Variants in F13A1 observed in about 807,000 individuals in gnomAD.
F13A1 encodes coagulation factor XIII A chain.
In F13A1, 47 loss-of-function variants were observed where a neutral mutation model predicts 80.1. The observed-to-expected ratio is 0.59, with a 90% CI of 0.46 to 0.75. The LOEUF (loss-of-function observed/expected upper bound fraction) is 0.75. F13A1 is among the 30% of genes least tolerant of loss of function. F13A1 has a pLI of 0.00. For missense variants in F13A1, 817 were observed against 930.4 expected (o/e 0.88, Z 1.59); for synonymous variants, 349 against 344.9 (o/e 1.01, Z -0.13).
chr6:6,311,735 TATTTATATATTATATATTACAAA>T (rs1561688031), intron 2 of F13A1, among the ~76,000 whole-genome samples: 5 of 14,276 alleles, frequency 3.5e-4, no homozygotes, highest in African/African-American at 2.4e-3. Flanking sequence ...AAATATATAT[TATTTATATATTATATATTACAAA>T]TATATATTTA....
chr6:6,205,176 T>C (rs1310464524), intron 8 of F13A1, among the ~76,000 whole-genome samples: 2 of 152,234 alleles, frequency 1.3e-5, no homozygotes, highest in African/African-American at 4.8e-5. Flanking sequence ...GCAAGGGGTT[T>C]TGCAAGTCTC....
intron 3 of F13A1, among the ~76,000 whole-genome samples, chr6:6,283,671 C>T (rs1758097003): frequency 1.3e-5 from 2 of 151,940 alleles, no homozygotes; most frequent in Admixed American, 6.6e-5. Flanking sequence ...TCATGTCCTT[C>T]CTTTTTTTTT....
chr6:6,285,639 A>G (rs541538066), intron 3 of F13A1, among the ~76,000 whole-genome samples: 3 of 152,348 alleles, frequency 2.0e-5, no homozygotes, highest in South Asian at 2.1e-4. Context: ...CCTATGCTAC[A>G]GTAGGTACCT....
At chr6:6,224,984 C>A in intron 6 of F13A1, 124 bp from the exon 7 acceptor site, 1 of 1,012,258 alleles carries the variant, frequency 9.9e-7, no homozygotes. Flanking sequence ...GAAAAGAGTT[C>A]CACTTCTGTT....
chr6:6,200,382 C>T (rs1020084628), intron 8 of F13A1, among the ~76,000 whole-genome samples: 9 of 151,942 alleles, frequency 5.9e-5, no homozygotes, highest in Non-Finnish European at 1.0e-4. Flanking sequence ...TCCTGGGCAA[C>T]ATGGCGAAAC....
chr6:6,158,380 G>T (rs567936066), intron 13 of F13A1, among the ~76,000 whole-genome samples: 4 of 152,176 alleles, frequency 2.6e-5, no homozygotes, highest in Non-Finnish European at 5.9e-5. Context: ...CAGTTAGTGG[G>T]GTGACTCAAT....
chr6:6,176,211 T>C (rs1760880943), intron 11 of F13A1, among the ~76,000 whole-genome samples: 1 of 152,250 alleles, frequency 6.6e-6, no homozygotes, highest in Non-Finnish European at 1.5e-5. Context: ...ATAATTATGC[T>C]AGTTTAAAGG....
intron 6 of F13A1, among the ~76,000 whole-genome samples, chr6:6,244,795 T>C (rs139324716): frequency 2.0e-5 from 3 of 152,322 alleles, no homozygotes; most frequent in East Asian, 1.9e-4. Context: ...AGTAAGTTAA[T>C]AGCACAACCA....
intron 6 of F13A1, among the ~76,000 whole-genome samples, chr6:6,226,714 T>C (rs1042349446): frequency 1.4e-4 from 21 of 152,222 alleles, no homozygotes; most frequent in African/African-American, 4.8e-4. Context: ...AAAGACTGGA[T>C]GCTCTGTAGT....
chr6:6,186,403 G>C (rs1214864647), intron 10 of F13A1, among the ~76,000 whole-genome samples: 2 of 152,180 alleles, frequency 1.3e-5, no homozygotes, highest in African/African-American at 4.8e-5. Context: ...TTTTGTATAA[G>C]GTGTAAGGAA....
At chr6:6,263,155 T>C (rs887143985) in intron 4 of F13A1, among the ~76,000 whole-genome samples, 14 of 152,170 alleles carry the variant, frequency 9.2e-5, no homozygotes, top group East Asian at 1.9e-4. Context: ...AAATTCTCCT[T>C]TGACCTTCGC....
At chr6:6,152,335 C>A (rs981790655) in intron 13 of F13A1, among the ~76,000 whole-genome samples, 10 of 152,198 alleles carry the variant, frequency 6.6e-5, no homozygotes, top group African/African-American at 2.2e-4. Context: ...AAAGGGGATT[C>A]CTGAGTTTAA....
At chr6:6,241,963 A>G (rs78841853) in intron 6 of F13A1, among the ~76,000 whole-genome samples, 80 of 152,340 alleles carry the variant, frequency 5.3e-4, no homozygotes, top group Non-Finnish European at 1.0e-3. Flanking sequence ...GAAAATGAAC[A>G]AAACATGGTT....
intron 8 of F13A1, among the ~76,000 whole-genome samples, chr6:6,210,324 G>GAGATATATATATATATATATATAT (rs1761580677): frequency 4.2e-4 from 35 of 82,862 alleles, no homozygotes; most frequent in Non-Finnish European, 4.4e-4. Context: ...TGTAGCATGT[G>GAGATATATATATATATATATATAT]ATATATATAT....
At chr6:6,306,316 C>T (rs945346039) in intron 2 of F13A1, among the ~76,000 whole-genome samples, 2 of 152,194 alleles carry the variant, frequency 1.3e-5, no homozygotes, top group African/African-American at 4.8e-5. Context: ...GGAGTGTAAA[C>T]GTAAATCACA....
intron 3 of F13A1, among the ~76,000 whole-genome samples, chr6:6,290,542 C>T (rs1472952994): frequency 1.3e-5 from 2 of 152,148 alleles, no homozygotes; most frequent in Admixed American, 6.5e-5. Flanking sequence ...CTACTCATAG[C>T]CTTTTATATA....
chr6:6,279,562 A>G (rs926293709), intron 3 of F13A1, among the ~76,000 whole-genome samples: 1 of 152,192 alleles, frequency 6.6e-6, no homozygotes, highest in Admixed American at 6.5e-5. Context: ...CTGAACATGA[A>G]GGTCACTGAC....
At chr6:6,164,552 G>A (rs1202552116) in intron 13 of F13A1, among the ~76,000 whole-genome samples, 7 of 152,118 alleles carry the variant, frequency 4.6e-5, no homozygotes, top group African/African-American at 1.7e-4. Context: ...TAATTGAGTT[G>A]TGTTTTATAC....
intron 3 of F13A1, among the ~76,000 whole-genome samples, chr6:6,280,972 C>T (rs1010737337): frequency 6.6e-6 from 1 of 152,130 alleles, no homozygotes; most frequent in African/African-American, 2.4e-5. Context: ...ATACTGTTTG[C>T]GGAGTGGCTG....
Sources: allele counts gnomAD v4.1 joint callset (sites outside exome capture counted in the v4.1 genomes callset), GRCh38; gene constraint gnomAD v4.1.1; transcripts MANE v1.5; gene names NCBI Gene and HGNC (gene_info 2026-07-23, HGNC 2026-07-21).